The following UCK2 variants were observed in gnomAD, a reference collection of about 807,000 sequenced individuals.
UCK2 encodes the protein uridine-cytidine kinase 2, also known as cytidine monophosphokinase 2.
Under a neutral mutation model 30.8 loss-of-function variants are expected in UCK2, and 6 were observed. That is an observed-to-expected ratio of 0.19 (90% CI 0.11 to 0.38). The LOEUF (loss-of-function observed/expected upper bound fraction) is 0.38. Among genes scored for constraint, UCK2 ranks in the 10% least tolerant of loss-of-function variants. UCK2 has a pLI of 1.00. For missense variants in UCK2, 210 were observed against 339.8 expected (o/e 0.62, Z 3.00); for synonymous variants, 125 against 133.6 (o/e 0.94, Z 0.45).
intron 1 of UCK2, among the ~76,000 whole-genome samples, chr1:165,865,666 T>A (rs1414598097): frequency 6.6e-6 from 1 of 152,132 alleles, no homozygotes; most frequent in Admixed American, 6.6e-5. Flanking sequence ...ACTAGGACGC[T>A]CTTCAAACAA....
intron 4 of UCK2, 131 bp downstream of exon 4, chr1:165,896,463 T>C: frequency 9.6e-7 from 1 of 1,045,498 alleles, no homozygotes; most frequent in South Asian, 1.5e-5. Context: ...GTGTGTCGCA[T>C]GGTCCAGCCC....
chr1:165,863,868 G>A (rs1038146628), intron 1 of UCK2, among the ~76,000 whole-genome samples: 3 of 152,184 alleles, frequency 2.0e-5, no homozygotes, highest in Non-Finnish European at 4.4e-5. Flanking sequence ...TATATAGAAA[G>A]CATGTATTAT....
chr1:165,849,470 A>G (rs996799001), intron 1 of UCK2, among the ~76,000 whole-genome samples: 3 of 152,220 alleles, frequency 2.0e-5, no homozygotes, highest in Non-Finnish European at 4.4e-5. Context: ...AGCCTGGTCT[A>G]GGGCGTTCTG....
intron 1 of UCK2, among the ~76,000 whole-genome samples, chr1:165,871,214 A>C (rs1263139606): frequency 6.6e-6 from 1 of 152,142 alleles, no homozygotes; most frequent in Non-Finnish European, 1.5e-5. Flanking sequence ...CATGGTATGG[A>C]AAAAAACAGG....
chr1:165,857,174 G>A (rs1352299351), intron 1 of UCK2, among the ~76,000 whole-genome samples: 1 of 152,088 alleles, frequency 6.6e-6, no homozygotes, highest in African/African-American at 2.4e-5. Flanking sequence ...GACTCAGAGA[G>A]GAAGTGCCTT....
At position 165,827,719 on chromosome 1, in the gene UCK2, T is replaced by C. The variant is rs1653921084; in HGVS notation, c.-115T>C. 1.6e-5 allele frequency: 16 copies of C among 993,296 alleles called. 1 individual carries two copies. Among genetic ancestry groups the C allele is most frequent in the South Asian group, 3.7e-5 (1 of 27,384 alleles). The allele number at this position is 993,296 out of a possible 1,614,324, so 61.5% of individuals were successfully genotyped here. A position where few individuals can be genotyped will look rare whatever the true frequency, so the allele number is the denominator to read the frequency against. On this transcript the variant is annotated 5_prime_UTR_variant, in exon 1 of 7. Coordinates refer to ENST00000367879, the MANE Select transcript of UCK2 (RefSeq NM_012474.5). ...GGCTCGCAGGCGAGCGACAGCGGCC[T>C]CAGCCCCGGCAGCGCCCAGCGGCGG... is the stretch of plus-strand genomic sequence containing the variant.
chr1:165,859,719 G>A (rs1390992806), intron 1 of UCK2, among the ~76,000 whole-genome samples: 1 of 152,128 alleles, frequency 6.6e-6, no homozygotes, highest in African/African-American at 2.4e-5. Flanking sequence ...CCTAGCTACT[G>A]GGTGGGGAGG....
intron 1 of UCK2, among the ~76,000 whole-genome samples, chr1:165,860,404 C>T (rs1654865455): frequency 6.6e-6 from 1 of 152,090 alleles, no homozygotes. Flanking sequence ...CATCTCCCTG[C>T]AGTTGTGCAT....
chr1:165,838,796 G>A (rs956703535), intron 1 of UCK2, among the ~76,000 whole-genome samples: 1 of 151,598 alleles, frequency 6.6e-6, no homozygotes, highest in East Asian at 1.9e-4. Flanking sequence ...GCATGTCATC[G>A]CAGCACTTTG....
At position 165,836,244 on chromosome 1, in the gene UCK2, AC is replaced by A. The variant is rs373783097; in HGVS notation, c.99+8313del. Among the ~76,000 whole-genome samples, 255 of 152,116 alleles carry A rather than the reference AC, an allele frequency of 1.7e-3. 2 individuals are homozygous for A. The highest frequency in any genetic ancestry group is 5.9e-3 in the African/African-American group (244 of 41,402). The stretch of plus-strand genomic sequence containing the variant: ...ACTCCGTCTCAAAACAAAAAACAAA[AC>A]AAAAAAAACAACCAAATGGATATGT... On this transcript the variant is annotated intron_variant, in intron 1 of 6. Coordinates refer to ENST00000367879, the MANE Select transcript of UCK2 (RefSeq NM_012474.5).
chr1:165,899,945 C>T (rs1160141807), intron 4 of UCK2, among the ~76,000 whole-genome samples: 1 of 152,180 alleles, frequency 6.6e-6, no homozygotes, highest in Non-Finnish European at 1.5e-5. Context: ...TTCCCAGTGT[C>T]TGGGCAACAT....
intron 1 of UCK2, among the ~76,000 whole-genome samples, chr1:165,888,738 C>T (rs1481421398): frequency 5.3e-5 from 8 of 150,682 alleles, no homozygotes; most frequent in African/African-American, 1.7e-4. Flanking sequence ...CCCCTTCAGC[C>T]TCCCAAAGTT....
At chr1:165,855,556 C>T (rs1446388803) in intron 1 of UCK2, among the ~76,000 whole-genome samples, 1 of 146,718 alleles carries the variant, frequency 6.8e-6, no homozygotes. Context: ...TCTGGGCTGA[C>T]TGAGACCCAC....
At chr1:165,879,942 A>G (rs1655441628) in intron 1 of UCK2, among the ~76,000 whole-genome samples, 1 of 152,206 alleles carries the variant, frequency 6.6e-6, no homozygotes. Context: ...TGGGCATTAG[A>G]TGTGGGTGCT....
At chr1:165,880,201 G>A (rs766990609) in intron 1 of UCK2, among the ~76,000 whole-genome samples, 4 of 152,140 alleles carry the variant, frequency 2.6e-5, no homozygotes, top group Non-Finnish European at 4.4e-5. Flanking sequence ...TTTTAAGAAC[G>A]GAGGAAAGTC....
At chr1:165,847,691 G>C (rs1281305749) in intron 1 of UCK2, among the ~76,000 whole-genome samples, 1 of 151,614 alleles carries the variant, frequency 6.6e-6, no homozygotes, top group Non-Finnish European at 1.5e-5. Context: ...ATAGCACATT[G>C]CATCCTTGAA....
intron 4 of UCK2, among the ~76,000 whole-genome samples, chr1:165,902,179 T>G (rs1456167342): frequency 6.6e-6 from 1 of 152,038 alleles, no homozygotes; most frequent in Non-Finnish European, 1.5e-5. Flanking sequence ...GAGGTTGTAG[T>G]GAGCTGAGAT....
intron 1 of UCK2, among the ~76,000 whole-genome samples, chr1:165,869,659 C>CT (rs71100867): frequency 0.013 from 929 of 73,962 alleles, 18 homozygotes; most frequent in African/African-American, 0.042. Context: ...CATCATGGGC[C>CT]TTTTTTTTTT....
Position 165,911,500 on chromosome 1 carries a change from C to T in UCK2, c.*3677C>T, listed in dbSNP as rs1465029028. On this transcript the variant is annotated 3_prime_UTR_variant, in exon 7 of 7. Transcript: ENST00000367879. ...AATACAGACTTAGGCTTTTTTTTCC[C>T]CCCTTTTAAGATGCTTGCTCCTCTC... 1 of 152,030 alleles carries T rather than the reference C, an allele frequency of 6.6e-6. No individual in the cohort carries two copies. The highest frequency in any genetic ancestry group is 1.5e-5 in the Non-Finnish European group (1 of 67,996). The allele number at this position is 152,030 out of a possible 1,614,324, so 9.4% of individuals were successfully genotyped here.
Sources: allele counts gnomAD v4.1 joint callset (sites outside exome capture counted in the v4.1 genomes callset), GRCh38; gene constraint gnomAD v4.1.1; transcripts MANE v1.5; gene names NCBI Gene and HGNC (gene_info 2026-07-23, HGNC 2026-07-21).